Variants in EPHA6 observed in about 807,000 individuals in gnomAD.
EPHA6 encodes ephrin type-A receptor 6.
In EPHA6, 50 loss-of-function variants were observed where a neutral mutation model predicts 112.0. That is an observed-to-expected ratio of 0.45 (90% confidence interval 0.36 to 0.56). EPHA6 has a LOEUF of 0.56. Among genes scored for constraint, EPHA6 ranks in the 20% least tolerant of loss-of-function variants. The probability of loss-of-function intolerance (pLI) is 0.00; values close to 1 mark genes in which losing one functional copy is unlikely to be tolerated. For synonymous variants in EPHA6, 529 were observed against 490.7 expected (o/e 1.08, Z -1.03); for missense variants, 1,280 against 1,417.4 (o/e 0.90, Z 1.56).
At chr3:97,327,990 T>C (rs1337397950) in intron 5 of EPHA6, among the ~76,000 whole-genome samples, 89 of 123,926 alleles carry the variant, frequency 7.2e-4, no homozygotes, top group African/African-American at 3.5e-3. Flanking sequence ...CATATATATG[T>C]ATATGTGTAT....
At chr3:96,926,029 C>A (rs2107642695) in intron 2 of EPHA6, among the ~76,000 whole-genome samples, 1 of 152,200 alleles carries the variant, frequency 6.6e-6, no homozygotes, top group South Asian at 2.1e-4. Context: ...TGTAGTAGTT[C>A]ATTTTCACAC....
chr3:96,929,361 T>C (rs2040199599), intron 2 of EPHA6, among the ~76,000 whole-genome samples: 1 of 152,230 alleles, frequency 6.6e-6, no homozygotes, highest in African/African-American at 2.4e-5. Flanking sequence ...GTTTTAATAT[T>C]GGCTGCTAAT....
chr3:96,928,408 C>T (rs1346941186), intron 2 of EPHA6, among the ~76,000 whole-genome samples: 2 of 152,120 alleles, frequency 1.3e-5, no homozygotes, highest in Non-Finnish European at 2.9e-5. Flanking sequence ...GCAGGTTGTT[C>T]AATTTGCATG....
In EPHA6 at chr3:97,754,084, C is replaced by CTTTTTT. The variant is rs10559270; in HGVS notation, c.*5399_*5404dup. ...AATGTATAAAAAATAACATTTATAT[C>CTTTTTT]TTTTTTTTTTTTTTTTTTTTTGAGA... On this transcript the variant is annotated 3_prime_UTR_variant, in exon 18 of 18. Transcript: ENST00000389672. Among the ~76,000 whole-genome samples the CTTTTTT allele has an allele frequency of 9.8e-6, 1 of 102,056 alleles. No individual in the cohort carries two copies. Among genetic ancestry groups the CTTTTTT allele is most frequent in the Non-Finnish European group, 2.0e-5 (1 of 50,070 alleles). 67.0% of individuals were successfully genotyped at this position (102,056 alleles called of 152,430 possible). A position where few individuals can be genotyped will look rare whatever the true frequency, so the allele number is the denominator to read the frequency against.
chr3:97,532,021 A>G (rs2092701295), intron 10 of EPHA6, among the ~76,000 whole-genome samples: 2 of 152,086 alleles, frequency 1.3e-5, no homozygotes, highest in Non-Finnish European at 2.9e-5. Context: ...AGCATTGAGA[A>G]CAGGAACAGA....
intron 7 of EPHA6, among the ~76,000 whole-genome samples, chr3:97,460,042 A>C (rs905773282): frequency 6.6e-6 from 1 of 152,232 alleles, no homozygotes; most frequent in Non-Finnish European, 1.5e-5. Flanking sequence ...GAATTTAGAT[A>C]GCTTAGGGGT....
chr3:97,503,902 AT>A, intron 10 of EPHA6, among the ~76,000 whole-genome samples: 1 of 152,282 alleles, frequency 6.6e-6, no homozygotes, highest in Admixed American at 6.5e-5. Flanking sequence ...GAAGACTTAA[AT>A]TTGATAAGTA....
chr3:97,337,193 G>A (rs1162637054), intron 5 of EPHA6, among the ~76,000 whole-genome samples: 1 of 152,096 alleles, frequency 6.6e-6, no homozygotes, highest in Non-Finnish European at 1.5e-5. Context: ...AAATTATAGT[G>A]TTCCACTTTT....
intron 14 of EPHA6, chr3:97,646,154 G>C: frequency 6.5e-7 from 1 of 1,535,340 alleles, no homozygotes; most frequent in South Asian, 1.2e-5. Context: ...AATCAGAACT[G>C]GTTAAAGAAG....
At chr3:97,651,820 A>G (rs1241769088) in intron 14 of EPHA6, among the ~76,000 whole-genome samples, 1 of 152,092 alleles carries the variant, frequency 6.6e-6, no homozygotes, top group Non-Finnish European at 1.5e-5. Context: ...AAGTAAAACT[A>G]TACACAAACA....
intron 1 of EPHA6, among the ~76,000 whole-genome samples, chr3:96,849,590 C>T (rs2035270157): frequency 6.6e-6 from 1 of 152,104 alleles, no homozygotes; most frequent in South Asian, 2.1e-4. Context: ...TTTCACTCTT[C>T]TAGCACTATA....
intron 14 of EPHA6, among the ~76,000 whole-genome samples, chr3:97,686,943 A>G (rs1261830327): frequency 2.6e-5 from 4 of 152,002 alleles, no homozygotes; most frequent in Non-Finnish European, 5.9e-5. Flanking sequence ...TTGTGGGGGG[A>G]AATTCTTTCT....
At chr3:96,834,790 CAATG>C (rs2034300252) in intron 1 of EPHA6, among the ~76,000 whole-genome samples, 1 of 151,924 alleles carries the variant, frequency 6.6e-6, no homozygotes, top group East Asian at 1.9e-4. Flanking sequence ...CCCTTATTAA[CAATG>C]AATTTATTGG....
chr3:97,481,509 C>G lies in EPHA6; in HGVS notation c.2074+2145C>G, dbSNP rs2034940. ...CAAACCATAGTTCCGGTTCTTCCTC[C>G]GGCGCGGGGCTAAGTGCAGGCCCGG... On this transcript the variant is annotated intron_variant, in intron 9 of 17. Transcript: ENST00000389672. The G allele has an allele frequency of 0.025, 25,478 of 1,021,948 alleles. 3,378 individuals carry two copies. The African/African-American group carries it at 0.32, about 13-fold the overall frequency. 63.3% of individuals were successfully genotyped at this position (1,021,948 alleles called of 1,614,324 possible).
At chr3:97,605,090 A>C (rs940619997) in intron 12 of EPHA6, among the ~76,000 whole-genome samples, 1 of 151,534 alleles carries the variant, frequency 6.6e-6, no homozygotes, top group Non-Finnish European at 1.5e-5. Context: ...ATTGATTGAG[A>C]TATAAAGGGA....
At chr3:97,085,479 T>G (rs1169047308) in intron 3 of EPHA6, among the ~76,000 whole-genome samples, 1 of 152,172 alleles carries the variant, frequency 6.6e-6, no homozygotes, top group Non-Finnish European at 1.5e-5. Context: ...GGATGTGATC[T>G]TAAACAAGTT....
At chr3:97,341,101 G>A (rs1398876297) in intron 5 of EPHA6, among the ~76,000 whole-genome samples, 1 of 152,166 alleles carries the variant, frequency 6.6e-6, no homozygotes, top group Non-Finnish European at 1.5e-5. Flanking sequence ...AGTAGGTTCA[G>A]CTTCCTCTTA....
intron 15 of EPHA6, among the ~76,000 whole-genome samples, chr3:97,723,582 G>A (rs905042598): frequency 3.9e-5 from 6 of 152,124 alleles, no homozygotes; most frequent in African/African-American, 1.4e-4. Flanking sequence ...CCCAGAGCTT[G>A]ATTGTTTTTC....
chr3:97,013,350 A>T (rs1374806565), intron 3 of EPHA6, among the ~76,000 whole-genome samples: 11 of 151,176 alleles, frequency 7.3e-5, no homozygotes, highest in Admixed American at 1.3e-4. Flanking sequence ...TAGAAATGAT[A>T]AAAAAAAAGA....
Sources: gnomAD v4.1 joint callset for allele counts (sites outside exome capture counted in the v4.1 genomes callset) on GRCh38, gnomAD v4.1.1 for gene constraint, MANE v1.5 for transcripts, NCBI Gene and HGNC (gene_info 2026-07-23, HGNC 2026-07-21) for gene names.